Variants in RBFOX1 observed in about 807,000 individuals in gnomAD.
RBFOX1 encodes the protein RNA binding protein fox-1 homolog 1.
In RBFOX1, 8 loss-of-function variants were observed where a neutral mutation model predicts 57.7. That is an observed-to-expected ratio of 0.14 (90% CI 0.08 to 0.25). The LOEUF is 0.25. Among genes scored for constraint, RBFOX1 ranks in the 10% least tolerant of loss-of-function variants. RBFOX1 has a pLI of 1.00. For synonymous variants in RBFOX1, 326 were observed against 222.4 expected (o/e 1.47, Z -4.15); for missense variants, 611 against 548.5 (o/e 1.11, Z -1.14).
At chr16:5,728,466 C>G (rs2052236681) in intron 3 of RBFOX1, among the ~76,000 whole-genome samples, 2 of 152,180 alleles carry the variant, frequency 1.3e-5, no homozygotes, top group South Asian at 2.1e-4. Context: ...GTCATCCACA[C>G]CAGGTGGAGT....
intron 3 of RBFOX1, among the ~76,000 whole-genome samples, chr16:6,967,410 G>T (rs1204449006): frequency 2.0e-5 from 3 of 152,200 alleles, no homozygotes; most frequent in South Asian, 2.1e-4. Context: ...GGGAAGGCCA[G>T]TTGAAGCCAG....
intron 4 of RBFOX1, among the ~76,000 whole-genome samples, chr16:7,120,216 T>G (rs937214466): frequency 6.6e-6 from 1 of 152,054 alleles, no homozygotes; most frequent in African/African-American, 2.4e-5. Flanking sequence ...TAATGCTAAG[T>G]GCTTCTATTA....
intron 4 of RBFOX1, among the ~76,000 whole-genome samples, chr16:7,438,428 T>C (rs2098739601): frequency 6.6e-6 from 1 of 152,088 alleles, no homozygotes; most frequent in Non-Finnish European, 1.5e-5. Context: ...CGTTTTGCCC[T>C]GTCCTGGGAG....
At chr16:7,547,117 T>C (rs1475428650) in intron 5 of RBFOX1, among the ~76,000 whole-genome samples, 1 of 152,038 alleles carries the variant, frequency 6.6e-6, no homozygotes, top group African/African-American at 2.4e-5. Context: ...GGAGTGATAA[T>C]GGTTTCTAAA....
At chr16:7,364,510 T>A (rs1341356392) in intron 4 of RBFOX1, among the ~76,000 whole-genome samples, 3 of 150,384 alleles carry the variant, frequency 2.0e-5, no homozygotes, top group Non-Finnish European at 2.9e-5. Flanking sequence ...CTACTTGGAC[T>A]ATCTTTGGCA....
chr16:5,873,895 G>T (rs769099191), intron 4 of RBFOX1, among the ~76,000 whole-genome samples: 1 of 152,118 alleles, frequency 6.6e-6, no homozygotes, highest in Non-Finnish European at 1.5e-5. Flanking sequence ...ATCAGGTAAA[G>T]AAAAGTCAAG....
intron 4 of RBFOX1, among the ~76,000 whole-genome samples, chr16:7,118,104 T>C (rs1233429149): frequency 6.6e-6 from 1 of 152,164 alleles, no homozygotes; most frequent in African/African-American, 2.4e-5. Context: ...AGTAGTGGGA[T>C]TAACTGGATC....
At chr16:7,384,346 C>T (rs556721018) in intron 4 of RBFOX1, among the ~76,000 whole-genome samples, 9 of 152,068 alleles carry the variant, frequency 5.9e-5, no homozygotes, top group South Asian at 4.2e-4. Flanking sequence ...ATATGAAAAA[C>T]GAGGAATATA....
chr16:5,925,018 G>C (rs2058912705), intron 4 of RBFOX1, among the ~76,000 whole-genome samples: 1 of 152,124 alleles, frequency 6.6e-6, no homozygotes, highest in African/African-American at 2.4e-5. Context: ...GGGTCATCCT[G>C]TTATCTGATG....
intron 1 of RBFOX1, among the ~76,000 whole-genome samples, chr16:6,221,327 C>A (rs992197985): frequency 6.6e-6 from 1 of 152,120 alleles, no homozygotes; most frequent in Admixed American, 6.6e-5. Flanking sequence ...ATTTGAATTT[C>A]ATTACTAGTG....
chr16:7,132,433 GACACACACACACACACACACAC>G (rs36226659), intron 4 of RBFOX1, among the ~76,000 whole-genome samples: 3,536 of 144,840 alleles, frequency 0.024, 147 homozygotes, highest in African/African-American at 0.083. Context: ...GTGATACACA[GACACACACACACACACACACAC>G]ACACACACAC....
rs111751346 is a variant in RBFOX1, at chr16:5,245,968, G to A, written c.219+5863G>A. ...AAGCAATCTTTTATATTCTGGCCGG[G>A]CCCAGTGGCTCACACCTGTAATACC... On this transcript the variant is annotated intron_variant, in intron 1 of 2. Coordinates refer to the RBFOX1 transcript ENST00000585867. Among the ~76,000 whole-genome samples the A allele has an allele frequency of 9.8e-3, 1,494 of 152,246 alleles. 31 individuals carry two copies. Among genetic ancestry groups the A allele is most frequent in the African/African-American group, 0.034 (1,422 of 41,548 alleles).
At chr16:7,693,715 A>G (rs756361766) in intron 14 of RBFOX1, among the ~76,000 whole-genome samples, 2 of 152,142 alleles carry the variant, frequency 1.3e-5, no homozygotes, top group Non-Finnish European at 2.9e-5. Context: ...TATGACTTCC[A>G]TGTTTTTTGA....
intron 1 of RBFOX1, among the ~76,000 whole-genome samples, chr16:6,070,974 C>T (rs1306815707): frequency 6.6e-6 from 1 of 152,076 alleles, no homozygotes; most frequent in South Asian, 2.1e-4. Flanking sequence ...GATTAGTGAG[C>T]ATTTTCTATA....
At chr16:7,080,588 T>C (rs1392060558) in intron 4 of RBFOX1, among the ~76,000 whole-genome samples, 1 of 152,128 alleles carries the variant, frequency 6.6e-6, no homozygotes, top group East Asian at 1.9e-4. Context: ...AGCAATTTGC[T>C]CTCTGGGTAT....
intron 1 of RBFOX1, among the ~76,000 whole-genome samples, chr16:6,224,006 A>T (rs1291379962): frequency 6.6e-6 from 1 of 152,058 alleles, no homozygotes; most frequent in Non-Finnish European, 1.5e-5. Context: ...AAGATCAGAT[A>T]GTTGTAGATA....
At chr16:6,137,428 C>T (rs888753259) in intron 1 of RBFOX1, among the ~76,000 whole-genome samples, 4 of 151,998 alleles carry the variant, frequency 2.6e-5, no homozygotes, top group Admixed American at 1.3e-4. Context: ...CCTCAGTTTC[C>T]TGAGTAGCTG....
intron 4 of RBFOX1, among the ~76,000 whole-genome samples, chr16:5,883,666 C>T (rs2057823262): frequency 1.3e-5 from 2 of 152,138 alleles, no homozygotes; most frequent in Admixed American, 1.3e-4. Context: ...CTGGTGTCTT[C>T]AGCTAACGAC....
intron 1 of RBFOX1, among the ~76,000 whole-genome samples, chr16:6,104,487 C>A (rs1403817719): frequency 6.6e-6 from 1 of 152,128 alleles, no homozygotes; most frequent in Admixed American, 6.6e-5. Context: ...ATTCAATTAT[C>A]TTTAGAAAAT....
Sources: allele counts gnomAD v4.1 joint callset (sites outside exome capture counted in the v4.1 genomes callset), GRCh38; gene constraint gnomAD v4.1.1; transcripts MANE v1.5; gene names NCBI Gene and HGNC (gene_info 2026-07-23, HGNC 2026-07-21).